The following PSMA8 variants were observed in gnomAD, a reference collection of about 807,000 sequenced individuals.
The protein encoded by PSMA8 is proteasome subunit alpha-type 8.
PSMA8 carries 18 observed loss-of-function variants against 32.4 expected under a neutral mutation model. That is an observed-to-expected ratio of 0.56 (90% CI 0.38 to 0.82). The LOEUF is 0.82. Among genes scored for constraint, PSMA8 ranks in the 40% least tolerant of loss-of-function variants. The pLI is 0.00. For synonymous variants in PSMA8, 104 were observed against 98.1 expected, an observed-to-expected ratio of 1.06 and a Z score of -0.36; for missense variants, 298 against 300.7, an observed-to-expected ratio of 0.99 and a Z score of 0.07.
At position 26,160,528 on chromosome 18, in the gene PSMA8, G is replaced by A. The variant is rs2055127152; in HGVS notation, c.477+2284G>A. Among the ~76,000 whole-genome samples the A allele has an allele frequency of 1.3e-5, 2 of 152,162 alleles. 1 individual carries two copies. Among genetic ancestry groups the A allele is most frequent in the South Asian group, 4.1e-4 (2 of 4,830 alleles). ...GGGAACTATAACATTTTAGCTATGAGATCAAGTTTTTCTTTTTTTGTTTTG... is the reference window on the plus strand; with the variant it reads ...GGGAACTATAACATTTTAGCTATGAAATCAAGTTTTTCTTTTTTTGTTTTG... On this transcript the variant is annotated intron_variant, in intron 4 of 6. Coordinates refer to ENST00000415576, the MANE Select transcript of PSMA8 (RefSeq NM_001025096.2).
intron 3 of PSMA8, among the ~76,000 whole-genome samples, chr18:26,157,388 C>T (rs1205294861): frequency 1.4e-5 from 2 of 144,030 alleles, no homozygotes; most frequent in Admixed American, 1.4e-4. Context: ...GAAACCCTGT[C>T]TCTTAAAAAA....
intron 1 of PSMA8, among the ~76,000 whole-genome samples, chr18:26,141,814 G>A (rs139557205): frequency 6.8e-6 from 1 of 146,992 alleles, no homozygotes; most frequent in Non-Finnish European, 1.5e-5. Context: ...AGCCTCCTGA[G>A]TAGCTGGAAC....
intron 3 of PSMA8, among the ~76,000 whole-genome samples, chr18:26,154,519 A>G (rs1325885017): frequency 6.6e-6 from 1 of 152,228 alleles, no homozygotes; most frequent in Non-Finnish European, 1.5e-5. Flanking sequence ...CATAGTCATA[A>G]GAATGGAATT....
At chr18:26,186,090 CA>C (rs539032710) in intron 6 of PSMA8, among the ~76,000 whole-genome samples, 7 of 141,566 alleles carry the variant, frequency 4.9e-5, no homozygotes, top group African/African-American at 1.8e-4. Flanking sequence ...AATACACACA[CA>C]AAAAAAAATT....
intron 4 of PSMA8, among the ~76,000 whole-genome samples, chr18:26,172,329 G>A (rs1232138824): frequency 2.0e-5 from 3 of 152,332 alleles, no homozygotes; most frequent in African/African-American, 7.2e-5. Context: ...TGTAGGCATT[G>A]CAGTCTCTGT....
In PSMA8 at chr18:26,141,719, T is replaced by C. The variant is rs546300844; in HGVS notation, c.103-2840T>C. On this transcript the variant is annotated intron_variant, in intron 1 of 6. Coordinates refer to ENST00000415576, the MANE Select transcript of PSMA8 (RefSeq NM_001025096.2). ...TTCTGTTTCTTTCTTTTTTCTTTTT[T>C]TTTTTTTTTTTTTTGAGAAAGAGGC... Among the ~76,000 whole-genome samples the C allele has an allele frequency of 1.1e-3, 161 of 146,500 alleles. No homozygotes were observed. In the East Asian group the frequency reaches 0.02, roughly 18 times the overall value.
intron 4 of PSMA8, among the ~76,000 whole-genome samples, chr18:26,173,331 C>G (rs2055239018): frequency 6.6e-6 from 1 of 152,200 alleles, no homozygotes; most frequent in African/African-American, 2.4e-5. Flanking sequence ...CCAGAGCTTG[C>G]ATGATATCTG....
At chr18:26,144,202 C>A (rs1020865044) in intron 1 of PSMA8, among the ~76,000 whole-genome samples, 1 of 152,100 alleles carries the variant, frequency 6.6e-6, no homozygotes, top group Non-Finnish European at 1.5e-5. Flanking sequence ...AAATTGGTTT[C>A]ATTATACATC....
At chr18:26,192,252 T>G in intron 6 of PSMA8, 67 bp from the exon 7 acceptor site, 6 of 1,179,646 alleles carry the variant, frequency 5.1e-6, no homozygotes, top group Non-Finnish European at 6.5e-6. Flanking sequence ...ATTGGAATTC[T>G]TCATATTGTA....
At chr18:26,171,265 T>A in intron 4 of PSMA8, 1 of 1,525,662 alleles carries the variant, frequency 6.6e-7, no homozygotes, top group South Asian at 1.1e-5. Context: ...ACAGCGACGA[T>A]GCAGTTTAGC....
chr18:26,158,989 C>T (rs1335927632), intron 4 of PSMA8, among the ~76,000 whole-genome samples: 1 of 152,066 alleles, frequency 6.6e-6, no homozygotes, highest in Non-Finnish European at 1.5e-5. Flanking sequence ...ACCAACCAAA[C>T]AATGCCCCCC....
intron 3 of PSMA8, among the ~76,000 whole-genome samples, chr18:26,156,594 G>A (rs2055090734): frequency 6.6e-6 from 1 of 150,834 alleles, no homozygotes; most frequent in Non-Finnish European, 1.5e-5. Context: ...ATTCATATGT[G>A]GACACTAAAA....
intron 4 of PSMA8, among the ~76,000 whole-genome samples, chr18:26,171,487 AC>A (rs2055221070): frequency 6.6e-6 from 1 of 152,222 alleles, no homozygotes; most frequent in South Asian, 2.1e-4. Context: ...TAATCCCAGC[AC>A]TTTGGGAGGC....
rs1046353288 is a variant in PSMA8, at chr18:26,172,686, TA to T, written c.478-6134del. On this transcript the variant is annotated intron_variant, in intron 4 of 6. Coordinates refer to ENST00000415576, the MANE Select transcript of PSMA8 (RefSeq NM_001025096.2). ...TTTAAAAAGTACAGTTACATTCTCT[TA>T]AAAAAAAAAGAAAAGCCTCTGTTGG... Among the ~76,000 whole-genome samples the T allele has an allele frequency of 3.2e-4, 48 of 148,006 alleles. 1 individual carries two copies. Among genetic ancestry groups the T allele is most frequent in the African/African-American group, 8.9e-4 (36 of 40,398 alleles).
At chr18:26,144,407 A>G (rs2054984346) in intron 1 of PSMA8, 152 bp from the exon 2 acceptor site, 6 of 593,732 alleles carry the variant, frequency 1.0e-5, no homozygotes, top group Non-Finnish European at 1.7e-5. Flanking sequence ...CAGTAAGCCT[A>G]TACCTATGAA....
At chr18:26,183,168 G>T (rs976312989) in intron 6 of PSMA8, among the ~76,000 whole-genome samples, 1 of 149,998 alleles carries the variant, frequency 6.7e-6, no homozygotes, top group Non-Finnish European at 1.5e-5. Flanking sequence ...AAGGTGGGTG[G>T]ATTGCTTGAG....
chr18:26,186,637 A>C (rs555336630), intron 6 of PSMA8, among the ~76,000 whole-genome samples: 3 of 152,232 alleles, frequency 2.0e-5, no homozygotes, highest in African/African-American at 7.2e-5. Flanking sequence ...TTAATTTTAC[A>C]TATGTACTTC....
chr18:26,147,457 G>A lies in PSMA8; in HGVS notation c.229+2772G>A, dbSNP rs76461384. Among the ~76,000 whole-genome samples, 1,025 of 152,086 alleles carry A rather than the reference G, an allele frequency of 6.7e-3. 11 individuals carry two copies. The highest frequency in any genetic ancestry group is 0.024 in the African/African-American group (989 of 41,476). Reference sequence around the variant, plus strand: ...AAACTTGGGGAATGTATTGAAAGTAGTGCTAATAGGAAAATTTATAGCCAT... The same window carrying A: ...AAACTTGGGGAATGTATTGAAAGTAATGCTAATAGGAAAATTTATAGCCAT... On this transcript the variant is annotated intron_variant, in intron 2 of 6. Coordinates refer to ENST00000415576, the MANE Select transcript of PSMA8 (RefSeq NM_001025096.2).
At chr18:26,183,350 C>G (rs977157081) in intron 6 of PSMA8, among the ~76,000 whole-genome samples, 1 of 149,968 alleles carries the variant, frequency 6.7e-6, no homozygotes, top group Non-Finnish European at 1.5e-5. Flanking sequence ...CAAGATCGCA[C>G]CATTGCAGTC....
Sources: allele counts gnomAD v4.1 joint callset (sites outside exome capture counted in the v4.1 genomes callset), GRCh38; gene constraint gnomAD v4.1.1; transcripts MANE v1.5; gene names NCBI Gene and HGNC (gene_info 2026-07-23, HGNC 2026-07-21).